Variants in NAA16 observed in about 807,000 individuals in gnomAD.
NAA16 encodes the protein NARG1-like protein.
In NAA16, 97 loss-of-function variants were observed where a neutral mutation model predicts 110.3. The observed-to-expected ratio is 0.88, with a 90% CI of 0.75 to 1.04. The LOEUF (loss-of-function observed/expected upper bound fraction) is 1.04. Ranked by LOEUF, NAA16 falls within the 50% of genes least tolerant of loss-of-function variation. The pLI is 0.00. For missense variants in NAA16, 1,017 were observed against 1,005.1 expected, an observed-to-expected ratio of 1.01 and a Z score of -0.16; for synonymous variants, 372 against 330.6, an observed-to-expected ratio of 1.13 and a Z score of -1.36.
intron 12 of NAA16, 97 bp downstream of exon 12, chr13:41,359,059 G>A: frequency 1.9e-6 from 2 of 1,077,154 alleles, no homozygotes; most frequent in Non-Finnish European, 2.6e-6. Flanking sequence ...TTCAGTGGAA[G>A]TTCATAAAAA....
At position 41,369,218 on chromosome 13, in the gene NAA16, AGAGAT is replaced by A. The variant is rs765611909; in HGVS notation, c.1885_1889del (p.Asp629ArgfsTer9). 1.6e-5 allele frequency: 26 copies of A among 1,596,822 alleles called. No homozygotes were observed. The highest frequency in any genetic ancestry group is 1.8e-5 in the Non-Finnish European group (21 of 1,174,524). On this transcript the variant is annotated frameshift_variant, in exon 15 of 20. Coordinates refer to ENST00000379406, the MANE Select transcript of NAA16 (RefSeq NM_024561.5). LOFTEE classifies it high-confidence loss of function. ...TCAACAGAAAAATCAAAAGAAAAAA[AGAGAT>A]GAAGAAGAAGAAGAAGCCAGTGGCC...
In NAA16 at chr13:41,358,378, G is replaced by A; in HGVS notation, c.1162G>A (p.Gly388Arg). The stretch of plus-strand genomic sequence containing the variant: ...CCTGGCACAGCACTTTGATAAACTT[G>A]GACAGTATTCTTTGGCTTTGGATTA... ...YFLAQHFDKL[G>R]QYSLALDYIN... is the part of the protein sequence containing the mutation. Residue 388 changes from glycine to arginine, a missense_variant, in exon 11 of 20, where the codon GGA becomes AGA. Coordinates refer to ENST00000379406, the MANE Select transcript of NAA16 (RefSeq NM_024561.5). 1 of 1,613,792 alleles carries A rather than the reference G, an allele frequency of 6.2e-7. No homozygotes were observed. Among genetic ancestry groups the A allele is most frequent in the Non-Finnish European group, 8.5e-7 (1 of 1,179,784 alleles).
chr13:41,346,490 C>CT (rs1169835949), intron 9 of NAA16, among the ~76,000 whole-genome samples: 1 of 152,158 alleles, frequency 6.6e-6, no homozygotes, highest in Non-Finnish European at 1.5e-5. Flanking sequence ...TGCTGGGCCA[C>CT]TTGGGGAAGA....
At chr13:41,357,906 C>T (rs896942034) in intron 10 of NAA16, among the ~76,000 whole-genome samples, 22 of 152,164 alleles carry the variant, frequency 1.4e-4, no homozygotes, top group Admixed American at 4.6e-4. Context: ...TAAGCCATGG[C>T]AGTTTGGCAG....
chr13:41,358,197 T>C lies in NAA16; in HGVS notation c.1088-107T>C, dbSNP rs145300225. 9.5e-4 allele frequency: 936 copies of C among 983,560 alleles called. 4 individuals carry two copies. In the African/African-American group the frequency reaches 0.014, roughly 15 times the overall value. 60.9% of individuals were successfully genotyped at this position (983,560 alleles called of 1,614,324 possible). A position where few individuals can be genotyped will look rare whatever the true frequency, so the allele number is the denominator to read the frequency against. ...ATTAGTAGTTTTTGCTGAGTCTTTCTTGCTTATTATTATTGCAATAGTCAT... is the reference window on the plus strand; with the variant it reads ...ATTAGTAGTTTTTGCTGAGTCTTTCCTGCTTATTATTATTGCAATAGTCAT... On this transcript the variant is annotated intron_variant, in intron 10 of 19. Coordinates refer to ENST00000379406, the MANE Select transcript of NAA16 (RefSeq NM_024561.5).
Position 41,363,515 on chromosome 13 carries a change from A to T in NAA16, c.1539+1356A>T, listed in dbSNP as rs1033272490. On this transcript the variant is annotated intron_variant, in intron 13 of 19. Coordinates refer to ENST00000379406, the MANE Select transcript of NAA16 (RefSeq NM_024561.5). ...TGACTATATTGCTTTGTTTTTTAAA[A>T]TTTTGAGAATTTTTAGAATATGATA... Among the ~76,000 whole-genome samples, 10 of 152,210 alleles carry T rather than the reference A, an allele frequency of 6.6e-5. No individual in the cohort carries two copies. In the East Asian group the frequency reaches 1.9e-3, roughly 29 times the overall value.
At chr13:41,312,250 A>T (rs1272917626) in intron 1 of NAA16, among the ~76,000 whole-genome samples, 2 of 152,250 alleles carry the variant, frequency 1.3e-5, no homozygotes, top group Non-Finnish European at 2.9e-5. Flanking sequence ...TTTGCTTTTT[A>T]GTCGCACAGG....
intron 12 of NAA16, among the ~76,000 whole-genome samples, chr13:41,361,403 C>T (rs1048489069): frequency 3.3e-5 from 5 of 152,126 alleles, no homozygotes; most frequent in African/African-American, 7.2e-5. Flanking sequence ...GCTGAATATA[C>T]GTAACAGTGA....
Position 41,358,382 on chromosome 13 carries a change from A to C in NAA16, c.1166A>C (p.Gln389Pro), listed in dbSNP as rs2043040265. Residue 389 changes from glutamine to proline, a missense_variant, in exon 11 of 20, where the codon CAG becomes CCG. Transcript: ENST00000379406. ...FLAQHFDKLG[Q>P]YSLALDYINA... ...GCACAGCACTTTGATAAACTTGGACAGTATTCTTTGGCTTTGGATTATATT... is the reference window on the plus strand; with the variant it reads ...GCACAGCACTTTGATAAACTTGGACCGTATTCTTTGGCTTTGGATTATATT... The C allele has an allele frequency of 6.2e-7, 1 of 1,613,888 alleles. No homozygotes were observed. The highest frequency in any genetic ancestry group is 2.2e-5 in the East Asian group (1 of 44,862).
At chr13:41,319,130 C>T (rs958185346) in intron 3 of NAA16, among the ~76,000 whole-genome samples, 9 of 152,044 alleles carry the variant, frequency 5.9e-5, no homozygotes, top group African/African-American at 1.4e-4. Flanking sequence ...TTCCCTACCC[C>T]GTGTTTATTT....
At chr13:41,314,127 T>G (rs537136626) in intron 1 of NAA16, among the ~76,000 whole-genome samples, 1 of 152,296 alleles carries the variant, frequency 6.6e-6, no homozygotes, top group South Asian at 2.1e-4. Context: ...TAAATGGGGA[T>G]ATCATGCATC....
intron 15 of NAA16, among the ~76,000 whole-genome samples, chr13:41,369,525 C>T (rs1349165176): frequency 6.6e-6 from 1 of 152,068 alleles, no homozygotes; most frequent in Non-Finnish European, 1.5e-5. Context: ...TGTTCTGGTC[C>T]CCCCAGCCTG....
Position 41,375,870 on chromosome 13 carries a change from A to C in NAA16, c.*268A>C. 1 of 276,352 alleles carries C rather than the reference A, an allele frequency of 3.6e-6. No individual in the cohort carries two copies. The highest frequency in any genetic ancestry group is 6.7e-6 in the Non-Finnish European group (1 of 149,694). 17.1% of individuals were successfully genotyped at this position (276,352 alleles called of 1,614,324 possible). Reference sequence around the variant, plus strand: ...TTCTTACTAAGCTAAGTTGTATACAACCCCACTGTATTATTTTCTTTAGAT... The same window carrying C: ...TTCTTACTAAGCTAAGTTGTATACACCCCCACTGTATTATTTTCTTTAGAT... On this transcript the variant is annotated 3_prime_UTR_variant, in exon 20 of 20. Coordinates refer to ENST00000379406, the MANE Select transcript of NAA16 (RefSeq NM_024561.5).
chr13:41,372,405 T>A, intron 16 of NAA16, 94 bp downstream of exon 16: 1 of 1,387,346 alleles, frequency 7.2e-7, no homozygotes, highest in Non-Finnish European at 9.3e-7. Context: ...GTTTCTTAGA[T>A]TTTCATTTTA....
At chr13:41,372,470 T>C in intron 16 of NAA16, 159 bp downstream of exon 16, 1 of 985,098 alleles carries the variant, frequency 1.0e-6, no homozygotes, top group Non-Finnish European at 1.2e-6. Flanking sequence ...GGGTAATAAA[T>C]TAGAATAGTA....
rs148174027 is a variant in NAA16 at position 41,374,903 on chromosome 13, G to A, written c.2397+64G>A. 7.3e-3 allele frequency: 7,210 copies of A among 984,474 alleles called. 40 individuals are homozygous for A. The highest frequency in any genetic ancestry group is 9.7e-3 in the Non-Finnish European group (6,221 of 641,992). 61.0% of individuals were successfully genotyped at this position (984,474 alleles called of 1,614,324 possible). On this transcript the variant is annotated intron_variant, in intron 19 of 19. Transcript: ENST00000379406. ...TGATCTAACAAAACGTGTCTTTACA[G>A]CATAATTCTTGAGTAGGCCTTCAGA... is the stretch of plus-strand genomic sequence containing the variant.
At chr13:41,362,574 C>A in intron 13 of NAA16, 1 of 530,208 alleles carries the variant, frequency 1.9e-6, no homozygotes, top group Non-Finnish European at 3.0e-6. Flanking sequence ...AGGATATTTG[C>A]TCTCACATTC....
intron 9 of NAA16, among the ~76,000 whole-genome samples, chr13:41,338,295 A>G (rs1182702493): frequency 6.6e-6 from 1 of 152,196 alleles, no homozygotes; most frequent in African/African-American, 2.4e-5. Context: ...TTAAGCTATC[A>G]CGGGGCTTTC....
At chr13:41,362,285 C>A in intron 13 of NAA16, 126 bp downstream of exon 13, 1 of 938,742 alleles carries the variant, frequency 1.1e-6, no homozygotes, top group Non-Finnish European at 1.5e-6. Flanking sequence ...AATTCTTGAT[C>A]TTTAACCTTT....
Sources: allele counts gnomAD v4.1 joint callset (sites outside exome capture counted in the v4.1 genomes callset), GRCh38; gene constraint gnomAD v4.1.1; transcripts MANE v1.5; gene names NCBI Gene and HGNC (gene_info 2026-07-23, HGNC 2026-07-21).